Variants in UBE3B observed in about 807,000 individuals in gnomAD.
UBE3B encodes ubiquitin-protein ligase E3B.
Under a neutral mutation model 132.3 loss-of-function variants are expected in UBE3B, and 80 were observed. That is an observed-to-expected ratio of 0.60 (90% confidence interval 0.50 to 0.73). UBE3B has a LOEUF of 0.73. Among genes scored for constraint, UBE3B ranks in the 30% least tolerant of loss-of-function variants. UBE3B has a pLI of 0.00. For synonymous variants in UBE3B, 487 were observed against 520.4 expected (o/e 0.94, Z 0.87); for missense variants, 1,196 against 1,362.5 (o/e 0.88, Z 1.92).
intron 24 of UBE3B, chr12:109,528,357 A>C (rs1463431318): frequency 6.1e-6 from 6 of 985,230 alleles, no homozygotes; most frequent in African/African-American, 1.7e-5. Context: ...CCTGCTTCAA[A>C]GTATACCTGG....
At chr12:109,501,778 T>C (rs1879028171) in intron 13 of UBE3B, among the ~76,000 whole-genome samples, 1 of 151,988 alleles carries the variant, frequency 6.6e-6, no homozygotes, top group African/African-American at 2.4e-5. Context: ...GCCTCCCAAG[T>C]ATAATAGCTG....
rs1311385876 is a variant in UBE3B at position 109,489,950 on chromosome 12, T to G, written c.576T>G (p.Ile192Met). The G allele has an allele frequency of 6.2e-7, 1 of 1,614,090 alleles. No individual in the cohort carries two copies. The highest frequency in any genetic ancestry group is 1.3e-5 in the African/African-American group (1 of 74,936). ...GTCTTCGACCAGCGATGAACCACAT[T>G]TGTGCAAATATAATGGGACATCTCA... is the stretch of plus-strand genomic sequence containing the variant. ...GESLRPAMNH[I>M]CANIMGHLNQ... The change falls in exon 8 of 28, where the codon ATT (isoleucine) becomes ATG (methionine). Residue 192 changes from isoleucine to methionine, a missense_variant. Coordinates refer to ENST00000342494, the MANE Select transcript of UBE3B (RefSeq NM_130466.4).
At chr12:109,496,621 A>G (rs1451928877) in intron 9 of UBE3B, among the ~76,000 whole-genome samples, 4 of 152,190 alleles carry the variant, frequency 2.6e-5, no homozygotes, top group African/African-American at 4.8e-5. Flanking sequence ...TTGATTTACA[A>G]TTCCCTGGTA....
At position 109,534,826 on chromosome 12, in the gene UBE3B, A is replaced by C. The variant is rs1384382339; in HGVS notation, c.*44A>C. ...CTCCAGGGCTCCTGGGCTGCCAGGGACCTTCAGCTCCCAGAGGCAGTGTGG... is the reference window on the plus strand; with the variant it reads ...CTCCAGGGCTCCTGGGCTGCCAGGGCCCTTCAGCTCCCAGAGGCAGTGTGG... On this transcript the variant is annotated 3_prime_UTR_variant, in exon 28 of 28. Coordinates refer to ENST00000342494, the MANE Select transcript of UBE3B (RefSeq NM_130466.4). This position sits in a 1 kb window ranked among gnomAD's most constrained non-coding sequence, Gnocchi z 5.2. The C allele has an allele frequency of 1.4e-6, 2 of 1,453,598 alleles. No homozygotes were observed. 90.0% of individuals were successfully genotyped at this position (1,453,598 alleles called of 1,614,324 possible).
At chr12:109,486,821 C>T (rs1187995639) in intron 6 of UBE3B, among the ~76,000 whole-genome samples, 2 of 152,108 alleles carry the variant, frequency 1.3e-5, no homozygotes, top group Non-Finnish European at 2.9e-5. Flanking sequence ...CTTTCCTTCC[C>T]ATTCATTTAA....
At chr12:109,483,086 C>T (rs889517613) in intron 2 of UBE3B, among the ~76,000 whole-genome samples, 3 of 152,150 alleles carry the variant, frequency 2.0e-5, no homozygotes, top group Admixed American at 6.5e-5. Context: ...TCTCTCGAGT[C>T]CTTACTTGGC....
intron 9 of UBE3B, among the ~76,000 whole-genome samples, chr12:109,494,915 T>C (rs1354392122): frequency 6.6e-6 from 1 of 152,234 alleles, no homozygotes; most frequent in Non-Finnish European, 1.5e-5. Flanking sequence ...CCCTAGAGAA[T>C]GCCACAGCCC....
the UBE3B span, among the ~76,000 whole-genome samples, chr12:109,545,865 G>C: frequency 6.6e-6 from 1 of 152,192 alleles, no homozygotes; most frequent in Admixed American, 6.5e-5. Context: ...CTGCAGAGCA[G>C]CAGCTGCCCC....
At chr12:109,528,783 G>A (rs1157780155) in intron 24 of UBE3B, among the ~76,000 whole-genome samples, 2 of 152,042 alleles carry the variant, frequency 1.3e-5, no homozygotes, top group African/African-American at 2.4e-5. Flanking sequence ...CCAGGAGGCA[G>A]AGGTTGCAGT....
At chr12:109,482,230 G>A (rs1437684271) in intron 2 of UBE3B, among the ~76,000 whole-genome samples, 2 of 152,068 alleles carry the variant, frequency 1.3e-5, no homozygotes, top group Non-Finnish European at 2.9e-5. Flanking sequence ...TTTCTTATAT[G>A]CATATATTGT....
At chr12:109,544,262 G>A in the UBE3B span, among the ~76,000 whole-genome samples, 1 of 152,052 alleles carries the variant, frequency 6.6e-6, no homozygotes, top group African/African-American at 2.4e-5. Context: ...CCCAGCCCAC[G>A]TTGCTGCCAC....
chr12:109,519,168 G>A (rs1269728497), intron 19 of UBE3B, among the ~76,000 whole-genome samples: 1 of 152,180 alleles, frequency 6.6e-6, no homozygotes, highest in East Asian at 1.9e-4. Context: ...TCTGTCAAAG[G>A]CAGAACTGAG....
In UBE3B at chr12:109,526,350, T is replaced by G; in HGVS notation, c.2569-8T>G. Reference sequence around the variant, plus strand: ...CTCCCTATTAATTACTCCCATCTTCTCCCCCAGCTTGTTTGCCATGAACTG... The same window carrying G: ...CTCCCTATTAATTACTCCCATCTTCGCCCCCAGCTTGTTTGCCATGAACTG... On this transcript the variant is annotated splice_region_variant and splice_polypyrimidine_tract_variant and intron_variant, in intron 23 of 27. Transcript: ENST00000342494. 6.2e-7 allele frequency: 1 copy of G among 1,613,966 alleles called. No homozygotes were observed. Among genetic ancestry groups the G allele is most frequent in the Non-Finnish European group, 8.5e-7 (1 of 1,179,972 alleles).
intron 11 of UBE3B, among the ~76,000 whole-genome samples, 192 bp from the exon 12 acceptor site, chr12:109,499,441 G>A (rs978428866): frequency 6.6e-6 from 1 of 152,228 alleles, no homozygotes; most frequent in South Asian, 2.1e-4. Flanking sequence ...GCATAGCCAG[G>A]ATTTGAAGTC....
chr12:109,519,063 G>C (rs545590386), intron 19 of UBE3B, among the ~76,000 whole-genome samples: 34 of 152,326 alleles, frequency 2.2e-4, no homozygotes, highest in African/African-American at 7.9e-4. Flanking sequence ...CTGTAGGAAG[G>C]CTCTTCTTCC....
At chr12:109,510,012 G>T (rs943568516) in intron 16 of UBE3B, among the ~76,000 whole-genome samples, 2 of 152,092 alleles carry the variant, frequency 1.3e-5, no homozygotes, top group Non-Finnish European at 2.9e-5. Context: ...TTTGATTTCC[G>T]TGAAGATAAA....
At chr12:109,481,853 GTGTTT>G (rs1238051155) in intron 2 of UBE3B, 111 bp downstream of exon 2, 1 of 152,162 alleles carries the variant, frequency 6.6e-6, no homozygotes, top group Non-Finnish European at 1.5e-5. Context: ...TTACGACTTA[GTGTTT>G]TTTTAAAAAA....
rs986542037 is a variant in UBE3B, at chr12:109,509,470, A to G, written c.1623-126A>G. The G allele has an allele frequency of 8.8e-5, 53 of 605,708 alleles. No homozygotes were observed. In the Middle Eastern group the frequency reaches 1.2e-3, roughly 13 times the overall value. 37.5% of individuals were successfully genotyped at this position (605,708 alleles called of 1,614,324 possible). On this transcript the variant is annotated intron_variant, in intron 15 of 27. Coordinates refer to ENST00000342494, the MANE Select transcript of UBE3B (RefSeq NM_130466.4). ...ATATCATTTTATCTGTAGATTTTAC[A>G]GTAAGTATCTCTACAAGATAAAGCT...
At chr12:109,515,053 A>G (rs1354800037) in intron 18 of UBE3B, among the ~76,000 whole-genome samples, 1 of 151,756 alleles carries the variant, frequency 6.6e-6, no homozygotes, top group African/African-American at 2.4e-5. Flanking sequence ...AGCTGGGACT[A>G]CAGGTGCTCG....
Sources: allele counts gnomAD v4.1 joint callset (sites outside exome capture counted in the v4.1 genomes callset), GRCh38; gene constraint gnomAD v4.1.1; non-coding constraint Gnocchi (gnomAD v3.1); transcripts MANE v1.5; gene names NCBI Gene and HGNC (gene_info 2026-07-23, HGNC 2026-07-21).